The following TMLHE variants were observed in gnomAD, a reference collection of about 807,000 sequenced individuals.
The protein encoded by TMLHE is trimethyllysine hydroxylase, epsilon, also known as trimethyllysine dioxygenase, mitochondrial.
Under a neutral mutation model 25.7 loss-of-function variants are expected in TMLHE, and 18 were observed. The observed-to-expected ratio is 0.70, with a 90% CI of 0.48 to 1.04. The LOEUF (loss-of-function observed/expected upper bound fraction) is 1.04. Among genes scored for constraint, TMLHE ranks in the 50% least tolerant of loss-of-function variants. The probability of loss-of-function intolerance (pLI) is 0.00; values close to 1 mark genes in which losing one functional copy is unlikely to be tolerated. For missense variants in TMLHE, 236 were observed against 259.0 expected (o/e 0.91, Z 0.61); for synonymous variants, 105 against 97.0 (o/e 1.08, Z -0.49).
In TMLHE at chrX:155,562,021, C is replaced by T. The variant is rs183263905; in HGVS notation, c.-1-16744G>A. Among the ~76,000 whole-genome samples the T allele has an allele frequency of 1.5e-3, 91 of 62,140 alleles. 19 individuals are homozygous for T. The highest frequency in any genetic ancestry group is 3.9e-3 in the Admixed American group (21 of 5,358). The allele number at this position is 62,140 out of a possible 115,157, so 54.0% of individuals were successfully genotyped here. A position where few individuals can be genotyped will look rare whatever the true frequency, so the allele number is the denominator to read the frequency against. Reference sequence around the variant, plus strand: ...CTGGGGTCTGGAGGATGGTGGCCCTCTTCTCATGGCTCCACTAGGCAGTGC... The same window carrying T: ...CTGGGGTCTGGAGGATGGTGGCCCTTTTCTCATGGCTCCACTAGGCAGTGC... On this transcript the variant is annotated intron_variant, in intron 1 of 7. Transcript: ENST00000334398.
At chrX:155,596,603 A>C (rs979276010) in intron 1 of TMLHE, among the ~76,000 whole-genome samples, 3 of 112,132 alleles carry the variant, frequency 2.7e-5, no homozygotes, top group African/African-American at 9.7e-5. Context: ...AAAAGAAAGA[A>C]ATGAGGCTAT....
intron 1 of TMLHE, among the ~76,000 whole-genome samples, chrX:155,571,784 AC>A (rs1557343209): frequency 2.0e-5 from 1 of 50,078 alleles, no homozygotes; most frequent in African/African-American, 4.8e-5. Flanking sequence ...AAATTCAACA[AC>A]CCTTCAGGCT....
At chrX:155,532,157 T>G (rs184267472) in intron 2 of TMLHE, among the ~76,000 whole-genome samples, 5 of 111,438 alleles carry the variant, frequency 4.5e-5, no homozygotes, top group African/African-American at 1.6e-4. Flanking sequence ...TCAGTTTCCA[T>G]AAAATATTAT....
At chrX:155,507,228 G>T in intron 5 of TMLHE, 94 bp from the exon 6 acceptor site, 2 of 593,215 alleles carry the variant, frequency 3.4e-6, no homozygotes, top group Non-Finnish European at 2.7e-6. Flanking sequence ...GAAACTACTT[G>T]TCATTTTCTT....
Position 155,556,194 on chromosome X carries a change from AGGG to A in TMLHE, c.-1-10920_-1-10918del, listed in dbSNP as rs1569562139. Among the ~76,000 whole-genome samples the A allele has an allele frequency of 3.3e-3, 109 of 33,258 alleles. 1 individual carries two copies. The highest frequency in any genetic ancestry group is 6.9e-3 in the African/African-American group (105 of 15,269). 28.9% of individuals were successfully genotyped at this position (33,258 alleles called of 115,157 possible). ...TACAGCTGACATGCAGCAATGAAAC[AGGG>A]ACTTCAGTCCTATGGTTACAAGGAA... On this transcript the variant is annotated intron_variant, in intron 1 of 7. Coordinates refer to ENST00000334398, the MANE Select transcript of TMLHE (RefSeq NM_018196.4).
At chrX:155,584,126 A>G (rs1315005906) in intron 1 of TMLHE, among the ~76,000 whole-genome samples, 2 of 110,929 alleles carry the variant, frequency 1.8e-5, no homozygotes, top group Non-Finnish European at 3.8e-5. Flanking sequence ...ACAATTCAAG[A>G]TATGAATTAG....
At chrX:155,508,526 ATCATT>A (rs2067089093) in intron 5 of TMLHE, among the ~76,000 whole-genome samples, 1 of 111,084 alleles carries the variant, frequency 9.0e-6, no homozygotes, top group East Asian at 2.8e-4. Flanking sequence ...GTTTGGAGAG[ATCATT>A]TCAAGTAAGA....
chrX:155,582,956 A>T (rs2067640479), intron 1 of TMLHE, among the ~76,000 whole-genome samples: 1 of 112,599 alleles, frequency 8.9e-6, no homozygotes, highest in Admixed American at 9.4e-5. Flanking sequence ...GATTAAGAAA[A>T]TTTGGCACAT....
At chrX:155,506,232 G>T (rs1031727694) in intron 6 of TMLHE, among the ~76,000 whole-genome samples, 10 of 111,212 alleles carry the variant, frequency 9.0e-5, no homozygotes, top group Non-Finnish European at 1.9e-4. Flanking sequence ...CTTTAGCCAT[G>T]GGAAAGAAAA....
At chrX:155,548,580 CA>C (rs1320266389) in intron 1 of TMLHE, among the ~76,000 whole-genome samples, 2 of 108,477 alleles carry the variant, frequency 1.8e-5, no homozygotes, top group East Asian at 5.8e-4. Flanking sequence ...CTAAAAAATA[CA>C]AAAATTAGCC....
chrX:155,527,690 T>C (rs1240268899), intron 2 of TMLHE, among the ~76,000 whole-genome samples: 1 of 112,170 alleles, frequency 8.9e-6, no homozygotes, highest in Non-Finnish European at 1.9e-5. Context: ...TATGCCTTCA[T>C]ATAATTCAAA....
intron 5 of TMLHE, among the ~76,000 whole-genome samples, chrX:155,507,772 G>A (rs1191140262): frequency 9.0e-6 from 1 of 110,776 alleles, no homozygotes; most frequent in Non-Finnish European, 1.9e-5. Flanking sequence ...GAAACTCTAC[G>A]GCCATATCAA....
intron 1 of TMLHE, among the ~76,000 whole-genome samples, chrX:155,549,900 G>C (rs782393714): frequency 9.2e-6 from 1 of 109,028 alleles, no homozygotes; most frequent in South Asian, 4.1e-4. Context: ...AGAGGCCCCA[G>C]TGTGTGCTCT....
chrX:155,547,219 A>C (rs1352747881), intron 1 of TMLHE, among the ~76,000 whole-genome samples: 1 of 90,383 alleles, frequency 1.1e-5, no homozygotes, highest in Non-Finnish European at 2.3e-5. Context: ...ATCTCGGCTC[A>C]CTGCAAGCTC....
At chrX:155,538,983 A>G (rs782662156) in intron 2 of TMLHE, among the ~76,000 whole-genome samples, 15 of 111,475 alleles carry the variant, frequency 1.3e-4, no homozygotes, top group Non-Finnish European at 1.9e-5. Context: ...AATTTATGGA[A>G]CAATTGCCTT....
chrX:155,512,257 G>A (rs950533877), intron 4 of TMLHE, among the ~76,000 whole-genome samples: 16 of 108,115 alleles, frequency 1.5e-4, no homozygotes, highest in African/African-American at 3.4e-4. Flanking sequence ...ATGCTGGTGC[G>A]CTGCACCCAC....
intron 1 of TMLHE, among the ~76,000 whole-genome samples, chrX:155,596,169 C>G (rs1603094102): frequency 8.9e-6 from 1 of 111,920 alleles, no homozygotes; most frequent in African/African-American, 3.2e-5. Flanking sequence ...TATAAAACTG[C>G]TAATCTCCGA....
intron 1 of TMLHE, among the ~76,000 whole-genome samples, chrX:155,568,194 T>C (rs1242218026): frequency 3.2e-5 from 2 of 61,625 alleles, no homozygotes; most frequent in Non-Finnish European, 9.1e-5. Flanking sequence ...ATCCCCCACA[T>C]GGCTCAGAGG....
intron 1 of TMLHE, among the ~76,000 whole-genome samples, chrX:155,610,515 GA>G (rs2067812512): frequency 1.8e-5 from 2 of 111,353 alleles, no homozygotes; most frequent in African/African-American, 6.5e-5. Context: ...TGAGCATCAA[GA>G]AAAAAAGAGA....
Sources: allele counts gnomAD v4.1 joint callset (sites outside exome capture counted in the v4.1 genomes callset), GRCh38; gene constraint gnomAD v4.1.1; transcripts MANE v1.5; gene names NCBI Gene and HGNC (gene_info 2026-07-23, HGNC 2026-07-21).